CDC42BPA: variants seen among roughly 807,000 people sequenced by gnomAD.
The protein encoded by CDC42BPA is serine/threonine-protein kinase MRCK alpha.
Under a neutral mutation model 223.5 loss-of-function variants are expected in CDC42BPA, and 80 were observed. The ratio of observed to expected loss-of-function variants is 0.36; its 90% CI spans 0.30 to 0.43. The LOEUF (loss-of-function observed/expected upper bound fraction) is 0.43, where lower values mean the gene tolerates loss of function less well. CDC42BPA is among the 20% of genes least tolerant of loss of function. The probability of loss-of-function intolerance (pLI) is 1.00; values close to 1 mark genes in which losing one functional copy is unlikely to be tolerated. For missense variants in CDC42BPA, 1,743 were observed against 2,099.9 expected (o/e 0.83, Z 3.32); for synonymous variants, 694 against 718.6 (o/e 0.97, Z 0.55).
At chr1:227,293,760 G>A (rs552403964) in intron 1 of CDC42BPA, among the ~76,000 whole-genome samples, 57 of 152,180 alleles carry the variant, frequency 3.7e-4, no homozygotes, top group African/African-American at 1.3e-3. Flanking sequence ...GCAGTGAGCC[G>A]AGATGGCGCC....
chr1:227,041,183 AC>A (rs1424137134), intron 23 of CDC42BPA, among the ~76,000 whole-genome samples: 1 of 152,188 alleles, frequency 6.6e-6, no homozygotes, highest in Non-Finnish European at 1.5e-5. Flanking sequence ...TTGTGGGTAC[AC>A]GTGCAGGTTT....
intron 2 of CDC42BPA, chr1:227,219,400 G>A (rs1229772240): frequency 1.3e-5 from 2 of 152,196 alleles, no homozygotes; most frequent in African/African-American, 2.4e-5. Context: ...GCAACACCCA[G>A]GGCGTAAGTT....
At chr1:227,196,705 A>G (rs567197377) in intron 4 of CDC42BPA, among the ~76,000 whole-genome samples, 1 of 152,308 alleles carries the variant, frequency 6.6e-6, no homozygotes, top group African/African-American at 2.4e-5. Flanking sequence ...TTGGATTCCT[A>G]TAAAGAATTT....
chr1:227,156,704 T>G (rs1048973826), intron 6 of CDC42BPA, among the ~76,000 whole-genome samples: 5 of 152,168 alleles, frequency 3.3e-5, no homozygotes, highest in African/African-American at 1.2e-4. Flanking sequence ...ATTCTGGAAT[T>G]TGCATTTCGA....
chr1:227,037,622 G>C (rs1345731637), intron 24 of CDC42BPA, among the ~76,000 whole-genome samples: 1 of 152,126 alleles, frequency 6.6e-6, no homozygotes, highest in South Asian at 2.1e-4. Context: ...CATCTGATGG[G>C]GATGGGCTAC....
At position 227,094,918 on chromosome 1, in the gene CDC42BPA, C is replaced by G. The variant is rs9645320; in HGVS notation, c.2250-2927G>C. On this transcript the variant is annotated intron_variant, in intron 15 of 36. Coordinates refer to ENST00000366766, the MANE Select transcript of CDC42BPA (RefSeq NM_001394014.1). ...GCAACCTGGTCAGCCACCCACAAAG[C>G]ACTCCTTTCACCAAGGCATTAATAA... is the stretch of plus-strand genomic sequence containing the variant. 7.8e-3 allele frequency among the ~76,000 whole-genome samples: 1,182 copies of G among 152,284 alleles called. 7 individuals are homozygous for G. The highest frequency in any genetic ancestry group is 0.013 in the Non-Finnish European group (859 of 68,022).
intron 16 of CDC42BPA, among the ~76,000 whole-genome samples, chr1:227,087,981 A>G (rs1210161608): frequency 1.3e-5 from 2 of 152,000 alleles, no homozygotes; most frequent in African/African-American, 2.4e-5. Context: ...TTTGCAAGAG[A>G]AGGAGGAAAA....
chr1:227,188,505 A>C (rs1295217598), intron 5 of CDC42BPA, among the ~76,000 whole-genome samples: 1 of 152,230 alleles, frequency 6.6e-6, no homozygotes, highest in African/African-American at 2.4e-5. Flanking sequence ...GGTAAATGGA[A>C]AACTATGGTA....
At chr1:227,139,000 A>T (rs1286369250) in intron 10 of CDC42BPA, among the ~76,000 whole-genome samples, 1 of 152,092 alleles carries the variant, frequency 6.6e-6, no homozygotes, top group African/African-American at 2.4e-5. Flanking sequence ...TGAGCAGGAG[A>T]TTATAAAAGA....
chr1:227,188,521 C>T (rs1027505632), intron 5 of CDC42BPA, among the ~76,000 whole-genome samples: 5 of 151,910 alleles, frequency 3.3e-5, no homozygotes, highest in African/African-American at 7.3e-5. Flanking sequence ...TGGTACATGC[C>T]GACAATAGAA....
intron 18 of CDC42BPA, 120 bp from the exon 19 acceptor site, chr1:227,074,132 C>T: frequency 7.4e-7 from 1 of 1,352,378 alleles, no homozygotes; most frequent in Non-Finnish European, 1.0e-6. Flanking sequence ...ATAGTTTTCT[C>T]ATAAAAAACT....
At chr1:227,096,440 AAGCAT>A (rs1684019599) in intron 15 of CDC42BPA, among the ~76,000 whole-genome samples, 1 of 152,164 alleles carries the variant, frequency 6.6e-6, no homozygotes, top group African/African-American at 2.4e-5. Context: ...ACTCACTGGT[AAGCAT>A]CCTGAAACAG....
intron 10 of CDC42BPA, among the ~76,000 whole-genome samples, chr1:227,138,128 G>A (rs2149594112): frequency 6.6e-6 from 1 of 152,140 alleles, no homozygotes; most frequent in East Asian, 1.9e-4. Flanking sequence ...TTCTATTGAT[G>A]TCTACACAGC....
chr1:227,108,681 T>C (rs1464209351), intron 14 of CDC42BPA, among the ~76,000 whole-genome samples: 1 of 152,202 alleles, frequency 6.6e-6, no homozygotes, highest in African/African-American at 2.4e-5. Flanking sequence ...TCAAGTCTCA[T>C]ATATACAATG....
rs2148866973 is a variant in CDC42BPA, at chr1:227,317,249, A to C, written c.-67T>G. The C allele has an allele frequency of 6.7e-7, 1 of 1,501,924 alleles. No homozygotes were observed. The highest frequency in any genetic ancestry group is 9.0e-7 in the Non-Finnish European group (1 of 1,109,798). 93.0% of individuals were successfully genotyped at this position (1,501,924 alleles called of 1,614,324 possible). On this transcript the variant is annotated 5_prime_UTR_variant, in exon 1 of 37. The change abolishes the stop of an existing upstream ORF in the 5' untranslated region. Coordinates refer to ENST00000366766, the MANE Select transcript of CDC42BPA (RefSeq NM_001394014.1). ...ATGACTTTTACTATTATCTGAACCT[A>C]AATTTTAAAAGGTATGGTTTTAAAA...
chr1:227,212,222 A>C (rs1446179090), intron 3 of CDC42BPA, among the ~76,000 whole-genome samples: 1 of 152,182 alleles, frequency 6.6e-6, no homozygotes, highest in Non-Finnish European at 1.5e-5. Flanking sequence ...TAAATAAATA[A>C]TGAAGTATTT....
chr1:227,250,658 C>T (rs934896345), intron 2 of CDC42BPA, among the ~76,000 whole-genome samples: 9 of 148,402 alleles, frequency 6.1e-5, no homozygotes, highest in African/African-American at 1.8e-4. Context: ...GTGTGTATAC[C>T]ATAATATACT....
intron 14 of CDC42BPA, among the ~76,000 whole-genome samples, chr1:227,107,293 T>C (rs957641415): frequency 1.3e-5 from 2 of 152,224 alleles, no homozygotes; most frequent in African/African-American, 2.4e-5. Flanking sequence ...TTAGATGCAA[T>C]TGTTAAGTGG....
Position 227,043,383 on chromosome 1 carries a change from G to A in CDC42BPA, c.3094-3147C>T, listed in dbSNP as rs539310320. ...AGCTGAGATCACGCCACTGCACTCC[G>A]GCCTGGCGACAAAACGAGACTTCGT... On this transcript the variant is annotated intron_variant, in intron 23 of 36. Coordinates refer to ENST00000366766, the MANE Select transcript of CDC42BPA (RefSeq NM_001394014.1). 2.1e-4 allele frequency among the ~76,000 whole-genome samples: 32 copies of A among 149,564 alleles called. No homozygotes were observed. In the South Asian group the frequency reaches 5.5e-3, roughly 26 times the overall value.
Sources: allele counts gnomAD v4.1 joint callset (sites outside exome capture counted in the v4.1 genomes callset), GRCh38; gene constraint gnomAD v4.1.1; transcripts MANE v1.5; gene names NCBI Gene and HGNC (gene_info 2026-07-23, HGNC 2026-07-21).